KCNT2: variants seen among roughly 807,000 people sequenced by gnomAD.
The protein encoded by KCNT2 is potassium channel subfamily T member 2.
KCNT2 carries 67 observed loss-of-function variants against 153.8 expected under a neutral mutation model. The observed-to-expected ratio is 0.44, with a 90% CI of 0.36 to 0.53. The LOEUF is 0.53. KCNT2 is among the 20% of genes least tolerant of loss of function. The pLI is 0.00. For missense variants in KCNT2, 975 were observed against 1,354.8 expected (o/e 0.72, Z 4.40); for synonymous variants, 500 against 458.8 (o/e 1.09, Z -1.15).
intron 25 of KCNT2, among the ~76,000 whole-genome samples, chr1:196,259,004 T>A (rs1656765866): frequency 1.3e-5 from 2 of 152,146 alleles, no homozygotes; most frequent in South Asian, 2.1e-4. Flanking sequence ...TTATAATATG[T>A]GAATTTTTAA....
intron 14 of KCNT2, among the ~76,000 whole-genome samples, chr1:196,357,724 C>A (rs950073366): frequency 6.6e-6 from 1 of 151,820 alleles, no homozygotes; most frequent in Non-Finnish European, 1.5e-5. Flanking sequence ...GAGGCCAAAG[C>A]TCCTTTATCT....
chr1:196,585,386 A>G (rs1406088078), intron 1 of KCNT2, among the ~76,000 whole-genome samples: 1 of 152,158 alleles, frequency 6.6e-6, no homozygotes, highest in African/African-American at 2.4e-5. Context: ...GAAGAGAGGA[A>G]AAGAAACGTT....
chr1:196,350,232 T>C (rs548027575), intron 14 of KCNT2, among the ~76,000 whole-genome samples: 4 of 152,314 alleles, frequency 2.6e-5, no homozygotes, highest in East Asian at 1.9e-4. Flanking sequence ...AGTAATGAGA[T>C]GGCTGGGTCA....
chr1:196,570,409 G>T (rs1046209014), intron 1 of KCNT2, among the ~76,000 whole-genome samples: 11 of 151,962 alleles, frequency 7.2e-5, no homozygotes, highest in Non-Finnish European at 1.3e-4. Flanking sequence ...ATAAAGAAAA[G>T]AATCTGAAAA....
intron 16 of KCNT2, among the ~76,000 whole-genome samples, chr1:196,337,539 G>T (rs1665153657): frequency 6.6e-6 from 1 of 151,984 alleles, no homozygotes; most frequent in Non-Finnish European, 1.5e-5. Context: ...CTTTCTACCT[G>T]TTCGTCCTCA....
intron 1 of KCNT2, among the ~76,000 whole-genome samples, chr1:196,597,866 A>G (rs1055884617): frequency 6.6e-6 from 1 of 152,190 alleles, no homozygotes; most frequent in Non-Finnish European, 1.5e-5. Flanking sequence ...AAGTAGGTGT[A>G]AGTGTTAAGC....
chr1:196,347,352 G>A (rs562939113), intron 14 of KCNT2, among the ~76,000 whole-genome samples: 17 of 152,146 alleles, frequency 1.1e-4, no homozygotes, highest in Admixed American at 2.0e-4. Context: ...TTGAATGAGG[G>A]AGAAATAATT....
intron 7 of KCNT2, among the ~76,000 whole-genome samples, chr1:196,466,434 T>A (rs1677622008): frequency 1.3e-5 from 2 of 152,002 alleles, no homozygotes; most frequent in Non-Finnish European, 2.9e-5. Context: ...TTCATCTAGT[T>A]GTGAATACTA....
chr1:196,308,619 T>A (rs1017722794), intron 21 of KCNT2, among the ~76,000 whole-genome samples: 12 of 152,048 alleles, frequency 7.9e-5, no homozygotes, highest in African/African-American at 2.9e-4. Flanking sequence ...AAAACTACTC[T>A]ATGATTTACC....
At chr1:196,588,074 G>T (rs1183001541) in intron 1 of KCNT2, among the ~76,000 whole-genome samples, 1 of 152,004 alleles carries the variant, frequency 6.6e-6, no homozygotes, top group Non-Finnish European at 1.5e-5. Flanking sequence ...AAAGAAAGGG[G>T]CAAATTCTCT....
intron 26 of KCNT2, among the ~76,000 whole-genome samples, chr1:196,246,274 T>C (rs1306472513): frequency 6.6e-6 from 1 of 152,122 alleles, no homozygotes; most frequent in Non-Finnish European, 1.5e-5. Flanking sequence ...TTTCAACCCA[T>C]TGAAAATATT....
At chr1:196,548,521 A>C (rs1657424888) in intron 1 of KCNT2, among the ~76,000 whole-genome samples, 1 of 152,000 alleles carries the variant, frequency 6.6e-6, no homozygotes. Context: ...GCTGGAGAGG[A>C]TGTGGAGAAA....
chr1:196,355,045 G>T (rs1036573664), intron 14 of KCNT2, among the ~76,000 whole-genome samples: 7 of 151,682 alleles, frequency 4.6e-5, no homozygotes, highest in African/African-American at 1.5e-4. Context: ...CGGTACGGGG[G>T]TATGTGGGGT....
intron 1 of KCNT2, among the ~76,000 whole-genome samples, chr1:196,499,869 AG>A (rs1339882382): frequency 2.0e-5 from 3 of 152,084 alleles, no homozygotes; most frequent in Non-Finnish European, 4.4e-5. Context: ...TTGGGCCAGA[AG>A]TGGTGGCTCA....
intron 22 of KCNT2, among the ~76,000 whole-genome samples, chr1:196,297,764 T>C (rs1660807402): frequency 1.3e-5 from 2 of 152,310 alleles, no homozygotes; most frequent in South Asian, 4.1e-4. Context: ...CCCACTCAGC[T>C]GTTCCAGAAC....
intron 25 of KCNT2, among the ~76,000 whole-genome samples, chr1:196,263,379 C>T (rs1253728156): frequency 6.6e-6 from 1 of 151,932 alleles, no homozygotes; most frequent in African/African-American, 2.4e-5. Flanking sequence ...AGCAAACTAA[C>T]ATAAGAACAG....
rs371293849 is a variant in KCNT2, at chr1:196,602,324, C to T, written c.95+5891G>A. On this transcript the variant is annotated intron_variant, in intron 1 of 27. Transcript: ENST00000294725. Reference sequence around the variant, plus strand: ...AAAGACAACTTAGACAAGCATGGTGCATAATAAATAATATGACATAGGCAA... The same window carrying T: ...AAAGACAACTTAGACAAGCATGGTGTATAATAAATAATATGACATAGGCAA... Among the ~76,000 whole-genome samples the T allele has an allele frequency of 4.2e-4, 64 of 152,206 alleles. No individual in the cohort carries two copies. The South Asian group carries it at 0.012, about 30-fold the overall frequency.
At chr1:196,424,492 A>T (rs1392581933) in intron 11 of KCNT2, among the ~76,000 whole-genome samples, 1 of 151,928 alleles carries the variant, frequency 6.6e-6, no homozygotes, top group Non-Finnish European at 1.5e-5. Flanking sequence ...GCAAACAGTA[A>T]ACACCTAAAG....
chr1:196,379,259 G>T (rs1198672405), intron 13 of KCNT2, among the ~76,000 whole-genome samples: 1 of 151,916 alleles, frequency 6.6e-6, no homozygotes, highest in African/African-American at 2.4e-5. Context: ...CTTTGTTGAA[G>T]AAAGTGTTTC....
Sources: gnomAD v4.1 joint callset for allele counts (sites outside exome capture counted in the v4.1 genomes callset) on GRCh38, gnomAD v4.1.1 for gene constraint, MANE v1.5 for transcripts, NCBI Gene and HGNC (gene_info 2026-07-23, HGNC 2026-07-21) for gene names.